The following MAN1B1 variants were observed in gnomAD, a reference collection of about 807,000 sequenced individuals.
MAN1B1 encodes mannosidase alpha class 1B member 1, also known as endoplasmic reticulum mannosyl-oligosaccharide 1,2-alpha-mannosidase.
A neutral mutation model predicts 75.5 loss-of-function variants in MAN1B1; 66 were observed. The ratio of observed to expected loss-of-function variants is 0.87; its 90% CI spans 0.72 to 1.07. The LOEUF (loss-of-function observed/expected upper bound fraction) is 1.07. Among genes scored for constraint, MAN1B1 ranks in the 50% least tolerant of loss-of-function variants. The pLI is 0.00. For synonymous variants in MAN1B1, 453 were observed against 382.8 expected (o/e 1.18, Z -2.14); for missense variants, 973 against 912.5 (o/e 1.07, Z -0.85).
rs1321086561 is a variant in MAN1B1, at chr9:137,106,149, C to T, written c.1279C>T (p.His427Tyr). ...GGAGGCAGTGGAGAAGGTGACACAG[C>T]ACATCCACGGCCTGTCTGGGAAGAA... ...FQEAVEKVTQ[H>Y]IHGLSGKKDG... Residue 427 changes from histidine (H) to tyrosine (Y), a missense_variant, in exon 9 of 13, where the codon CAC (histidine) becomes TAC (tyrosine). Physicochemically the swap from His to Tyr is moderately conservative, Grantham distance 83. Transcript: ENST00000371589. The T allele has an allele frequency of 6.2e-7, 1 of 1,613,042 alleles. No individual in the cohort carries two copies. Among genetic ancestry groups the T allele is most frequent in the African/African-American group, 1.3e-5 (1 of 75,056 alleles).
intron 8 of MAN1B1, chr9:137,102,412 C>T (rs796242758): frequency 3.5e-5 from 14 of 405,514 alleles, no homozygotes; most frequent in East Asian, 1.6e-4. Context: ...CTGTTGCAGG[C>T]GTGCAGGTTG....
At chr9:137,087,302 C>A in intron 1 of MAN1B1, 84 bp downstream of exon 1, 1 of 1,435,158 alleles carries the variant, frequency 7.0e-7, no homozygotes, top group Admixed American at 2.2e-5. Flanking sequence ...GGGACCTGGG[C>A]GGGCGGACTC....
chr9:137,094,953 T>A (rs1830616268), intron 3 of MAN1B1, among the ~76,000 whole-genome samples: 1 of 151,532 alleles, frequency 6.6e-6, no homozygotes, highest in South Asian at 2.1e-4. Context: ...TTTGGGAGGC[T>A]GAGGTGGGTA....
chr9:137,106,996 G>T (rs1010105428), intron 10 of MAN1B1, among the ~76,000 whole-genome samples, 187 bp downstream of exon 10: 2 of 152,244 alleles, frequency 1.3e-5, no homozygotes, highest in Non-Finnish European at 2.9e-5. Context: ...TGGCACCTGG[G>T]GTGGGCAGGG....
intron 2 of MAN1B1, 45 bp from the exon 3 acceptor site, chr9:137,088,824 T>C (rs1233701684): frequency 1.2e-6 from 2 of 1,610,338 alleles, no homozygotes; most frequent in Non-Finnish European, 8.5e-7. Context: ...AAATCTCTTG[T>C]AGGCCTTGTG....
In MAN1B1 at chr9:137,106,153, T is replaced by C. The variant is rs754812881; in HGVS notation, c.1283T>C (p.Ile428Thr). The change falls in exon 9 of 13, where the codon ATC becomes ACC. Residue 428 changes from isoleucine to threonine, a missense_variant. Ile to Thr is a moderately conservative substitution (Grantham distance 89, BLOSUM62 -1). Coordinates refer to ENST00000371589, the MANE Select transcript of MAN1B1 (RefSeq NM_016219.5). ...GCAGTGGAGAAGGTGACACAGCACA[T>C]CCACGGCCTGTCTGGGAAGAAGGAT... ...QEAVEKVTQHIHGLSGKKDGL... is the reference protein window; with the variant it reads ...QEAVEKVTQHTHGLSGKKDGL... The C allele has an allele frequency of 1.2e-6, 2 of 1,612,994 alleles. No individual in the cohort carries two copies. Among genetic ancestry groups the C allele is most frequent in the South Asian group, 1.1e-5 (1 of 90,992 alleles).
At chr9:137,095,318 G>A (rs1209876904) in intron 3 of MAN1B1, among the ~76,000 whole-genome samples, 7 of 151,692 alleles carry the variant, frequency 4.6e-5, no homozygotes, top group Non-Finnish European at 1.5e-5. Flanking sequence ...CAAAGTGCTG[G>A]GATTACAGAC....
At chr9:137,088,487 G>C (rs1830438652) in intron 2 of MAN1B1, 2 of 1,378,284 alleles carry the variant, frequency 1.5e-6, no homozygotes, top group Admixed American at 3.5e-5. Context: ...AAATTTCGTA[G>C]CACTCATTAG....
chr9:137,088,892 G>C lies in MAN1B1; in HGVS notation c.352G>C (p.Glu118Gln), dbSNP rs1830448014. 6.2e-7 allele frequency: 1 copy of C among 1,614,006 alleles called. No individual in the cohort carries two copies. Among genetic ancestry groups the C allele is most frequent in the Non-Finnish European group, 8.5e-7 (1 of 1,180,044 alleles). Residue 118 changes from glutamate (E) to glutamine (Q), a missense_variant, in exon 3 of 13, where the codon GAG becomes CAG. Glu to Gln is a conservative substitution (Grantham distance 29, BLOSUM62 2). Coordinates refer to ENST00000371589, the MANE Select transcript of MAN1B1 (RefSeq NM_016219.5). The stretch of plus-strand genomic sequence containing the variant: ...AGCTCTGGCTTTCAGGCTAGAGGAA[G>C]AGCAGAAGATGAGGCCAGAAATTGC... ...WKALAFRLEEEQKMRPEIAGL... is the reference protein window; with the variant it reads ...WKALAFRLEEQQKMRPEIAGL...
Position 137,088,058 on chromosome 9 carries a change from C to A in MAN1B1, c.220-17C>A, listed in dbSNP as rs751345474. The A allele has an allele frequency of 1.9e-6, 3 of 1,586,208 alleles. No homozygotes were observed. The highest frequency in any genetic ancestry group is 2.7e-5 in the African/African-American group (2 of 74,328). On this transcript the variant is annotated splice_polypyrimidine_tract_variant and intron_variant, in intron 1 of 12. Transcript: ENST00000371589. ...GATATATTCAGTAAGAAATGTCATT[C>A]TCTGTACCTCCCTTAGAAATGGAAG...
chr9:137,097,167 A>T (rs537365278), intron 4 of MAN1B1, among the ~76,000 whole-genome samples: 1 of 152,350 alleles, frequency 6.6e-6, no homozygotes, highest in South Asian at 2.1e-4. Context: ...CATGAATGCA[A>T]GGACGCTTTA....
intron 9 of MAN1B1, 154 bp from the exon 10 acceptor site, chr9:137,106,535 C>A: frequency 1.6e-6 from 2 of 1,267,972 alleles, no homozygotes; most frequent in Non-Finnish European, 2.2e-6. Flanking sequence ...GGGGCATCTT[C>A]ACTGAGGGCC....
Position 137,088,116 on chromosome 9 carries a change from C to A in MAN1B1, c.261C>A (p.Leu87=). ...QLSRLQRNMI[L]FLLAFLLFCG... ...CGAGATTGCAGCGGAATATGATTCT[C>A]TTCCTCCTTGCCTTTCTGCTTTTCT... The change falls in exon 2 of 13, where the codon CTC becomes CTA. Residue 87 remains leucine, a synonymous_variant. Coordinates refer to ENST00000371589, the MANE Select transcript of MAN1B1 (RefSeq NM_016219.5). 1 of 1,614,218 alleles carries A rather than the reference C, an allele frequency of 6.2e-7. No homozygotes were observed. Among genetic ancestry groups the A allele is most frequent in the Non-Finnish European group, 8.5e-7 (1 of 1,180,024 alleles).
At chr9:137,089,545 C>T (rs1197370400) in intron 3 of MAN1B1, among the ~76,000 whole-genome samples, 2 of 152,180 alleles carry the variant, frequency 1.3e-5, no homozygotes, top group Non-Finnish European at 2.9e-5. Flanking sequence ...ATTCCCAGGG[C>T]TGGGAGAGGG....
At chr9:137,087,423 AT>A in intron 1 of MAN1B1, 1 of 727,946 alleles carries the variant, frequency 1.4e-6, no homozygotes, top group Non-Finnish European at 2.4e-6. Context: ...AGCGGCCCAA[AT>A]TCTGCGGGGC....
At chr9:137,106,025 G>A (rs540552141) in intron 8 of MAN1B1, 100 bp from the exon 9 acceptor site, 4 of 926,656 alleles carry the variant, frequency 4.3e-6, no homozygotes, top group Admixed American at 3.9e-5. Flanking sequence ...GAGTCAGTCG[G>A]TGCTGGGGCG....
In MAN1B1 at chr9:137,101,044, A is replaced by G. The variant is rs138723773; in HGVS notation, c.956A>G (p.His319Arg). 2.6e-5 allele frequency: 42 copies of G among 1,614,078 alleles called. No homozygotes were observed. The highest frequency in any genetic ancestry group is 3.4e-5 in the Non-Finnish European group (40 of 1,180,046). Residue 319 changes from histidine to arginine, a missense_variant, in exon 7 of 13, where the codon CAC becomes CGC. His to Arg is a conservative substitution (Grantham distance 29). Transcript: ENST00000371589. Reference protein sequence around the residue: ...EARKWVSKKLHFEKDVDVNLF... With the variant: ...EARKWVSKKLRFEKDVDVNLF... ...AGGAAGTGGGTGTCGAAGAAGTTAC[A>G]CTTTGAAAAGGACGTGGACGTCAAC... is the stretch of plus-strand genomic sequence containing the variant.
chr9:137,096,567 C>T (rs1161321938), intron 4 of MAN1B1, among the ~76,000 whole-genome samples, 176 bp downstream of exon 4: 1 of 152,248 alleles, frequency 6.6e-6, no homozygotes, highest in African/African-American at 2.4e-5. Flanking sequence ...AACTGGAGGT[C>T]AGAGCTAAAT....
chr9:137,098,080 C>T (rs917281568), intron 5 of MAN1B1, 143 bp downstream of exon 5: 1 of 659,896 alleles, frequency 1.5e-6, no homozygotes, highest in South Asian at 1.7e-5. Flanking sequence ...TGTCTGAGTC[C>T]TCACAGGCTC....
Sources: gnomAD v4.1 joint callset for allele counts (sites outside exome capture counted in the v4.1 genomes callset) on GRCh38, gnomAD v4.1.1 for gene constraint, MANE v1.5 for transcripts, NCBI Gene and HGNC (gene_info 2026-07-23, HGNC 2026-07-21) for gene names.